MARCHF1: variants seen among roughly 807,000 people sequenced by gnomAD.
The protein encoded by MARCHF1 is membrane associated ring-CH-type finger 1, also known as E3 ubiquitin-protein ligase MARCHF1.
Under a neutral mutation model 54.2 loss-of-function variants are expected in MARCHF1, and 40 were observed. The ratio of observed to expected loss-of-function variants is 0.74; its 90% CI spans 0.57 to 0.96. MARCHF1 has a LOEUF of 0.96. MARCHF1 is among the 40% of genes least tolerant of loss of function. The pLI, the probability that MARCHF1 is intolerant of heterozygous loss-of-function variation, is 0.00. For synonymous variants in MARCHF1, 236 were observed against 236.3 expected (o/e 1.00, Z 0.01); for missense variants, 586 against 656.5 (o/e 0.89, Z 1.17).
At chr4:164,045,609 TTTTG>T (rs537888093) in intron 2 of MARCHF1, among the ~76,000 whole-genome samples, 98 of 151,720 alleles carry the variant, frequency 6.5e-4, no homozygotes, top group Middle Eastern at 6.9e-3. Context: ...TAGCTTAGGT[TTTTG>T]TTTGTTTGTT....
chr4:163,681,402 C>G (rs1429216659), intron 5 of MARCHF1, among the ~76,000 whole-genome samples: 1 of 152,106 alleles, frequency 6.6e-6, no homozygotes, highest in African/African-American at 2.4e-5. Flanking sequence ...TAGTATACTG[C>G]CCCCTAGGGG....
At chr4:163,751,175 T>TG (rs1746509042) in intron 4 of MARCHF1, among the ~76,000 whole-genome samples, 1 of 132,778 alleles carries the variant, frequency 7.5e-6, no homozygotes, top group African/African-American at 2.9e-5. Flanking sequence ...GTGTGTGTGT[T>TG]TGAGACAGAG....
At chr4:164,058,028 A>G (rs921395417) in intron 2 of MARCHF1, among the ~76,000 whole-genome samples, 3 of 152,136 alleles carry the variant, frequency 2.0e-5, no homozygotes, top group African/African-American at 7.2e-5. Flanking sequence ...AAGATCAGAA[A>G]ACTGAACACC....
chr4:163,866,011 T>G (rs1300923448), intron 3 of MARCHF1, among the ~76,000 whole-genome samples: 1 of 151,738 alleles, frequency 6.6e-6, no homozygotes, highest in African/African-American at 2.4e-5. Flanking sequence ...ACCAAAGAGA[T>G]ATTTTTATCT....
intron 4 of MARCHF1, among the ~76,000 whole-genome samples, chr4:163,717,655 C>A (rs1390510425): frequency 6.6e-6 from 1 of 152,160 alleles, no homozygotes. Context: ...CTCTCCAGCA[C>A]CTGTTGTTTC....
At chr4:163,980,650 T>C (rs1305089425) in intron 3 of MARCHF1, among the ~76,000 whole-genome samples, 2 of 152,286 alleles carry the variant, frequency 1.3e-5, no homozygotes, top group African/African-American at 4.8e-5. Context: ...CAGCCACAGA[T>C]GAATCCTTCA....
intron 2 of MARCHF1, among the ~76,000 whole-genome samples, chr4:164,054,279 G>A (rs1390827811): frequency 6.6e-6 from 1 of 151,932 alleles, no homozygotes; most frequent in Non-Finnish European, 1.5e-5. Context: ...GAAACAACAG[G>A]TGCTGGAGAG....
chr4:163,714,076 T>C (rs184134580), intron 4 of MARCHF1, among the ~76,000 whole-genome samples: 52 of 152,358 alleles, frequency 3.4e-4, no homozygotes, highest in Non-Finnish European at 6.8e-4. Context: ...TGATTTACAT[T>C]TCAGTGTCTC....
intron 1 of MARCHF1, among the ~76,000 whole-genome samples, chr4:164,144,248 A>T (rs934381611): frequency 6.6e-6 from 1 of 151,498 alleles, no homozygotes; most frequent in Non-Finnish European, 1.5e-5. Context: ...CACTGTCAAC[A>T]TTAGACAGAT....
rs923024347 is a variant in MARCHF1, at chr4:164,186,300, T to A, written c.-322-74638A>T. On this transcript the variant is annotated intron_variant, in intron 1 of 9. Coordinates refer to ENST00000514618, the MANE Select transcript of MARCHF1 (RefSeq NM_001394959.1). ...GATCTCCTTGAGGGTAGAAAAATTG[T>A]GTCAACTAATCATTACTTTGGTGAA... 2.6e-5 allele frequency among the ~76,000 whole-genome samples: 4 copies of A among 152,350 alleles called. No individual in the cohort carries two copies. The South Asian group carries it at 8.3e-4, about 32-fold the overall frequency.
At chr4:163,613,604 A>T in intron 5 of MARCHF1, 1 of 1,445,150 alleles carries the variant, frequency 6.9e-7, no homozygotes, top group Non-Finnish European at 9.1e-7. Context: ...ATGCTGCGCT[A>T]TTTTGCTGTT....
At chr4:163,734,274 T>C (rs1370393964) in intron 4 of MARCHF1, among the ~76,000 whole-genome samples, 4 of 152,136 alleles carry the variant, frequency 2.6e-5, no homozygotes, top group Non-Finnish European at 2.9e-5. Flanking sequence ...TGGCAACTTC[T>C]TAAAAAGTTA....
intron 7 of MARCHF1, among the ~76,000 whole-genome samples, chr4:163,592,188 T>C (rs1032638280): frequency 6.6e-5 from 10 of 152,196 alleles, no homozygotes; most frequent in African/African-American, 2.4e-4. Context: ...GATAATACCA[T>C]TTTTGTAATC....
At chr4:163,566,656 A>G (rs906157060) in intron 8 of MARCHF1, among the ~76,000 whole-genome samples, 16 of 152,194 alleles carry the variant, frequency 1.1e-4, no homozygotes, top group African/African-American at 3.9e-4. Context: ...GTGGAAGCAC[A>G]AACCATCACT....
chr4:164,380,301 A>G (rs933789804), intron 1 of MARCHF1, among the ~76,000 whole-genome samples: 15 of 120,316 alleles, frequency 1.2e-4, no homozygotes, highest in Non-Finnish European at 1.6e-4. Context: ...GATTAAGTTC[A>G]CTAATATATA....
intron 1 of MARCHF1, among the ~76,000 whole-genome samples, chr4:164,196,375 T>C (rs1731258354): frequency 6.6e-6 from 1 of 152,172 alleles, no homozygotes; most frequent in South Asian, 2.1e-4. Context: ...TTCTGAGATA[T>C]TTGAAGCTTA....
intron 8 of MARCHF1, among the ~76,000 whole-genome samples, chr4:163,551,635 G>A (rs1205336450): frequency 6.6e-6 from 1 of 152,158 alleles, no homozygotes; most frequent in Non-Finnish European, 1.5e-5. Context: ...GTAATATAGT[G>A]GCTGTGTCCC....
chr4:163,895,005 A>G lies in MARCHF1; in HGVS notation c.-38-40836T>C, dbSNP rs923085427. Among the ~76,000 whole-genome samples, 9 of 133,464 alleles carry G rather than the reference A, an allele frequency of 6.7e-5. 2 individuals are homozygous for G. The highest frequency in any genetic ancestry group is 1.5e-4 in the Admixed American group (2 of 13,704). The allele number at this position is 133,464 out of a possible 152,430, so 87.6% of individuals were successfully genotyped here. On this transcript the variant is annotated intron_variant, in intron 3 of 9. Coordinates refer to ENST00000514618, the MANE Select transcript of MARCHF1 (RefSeq NM_001394959.1). ...ACATATACATATATATGCATGTGATACACATACACACACATATGCATGTGA... is the reference window on the plus strand; with the variant it reads ...ACATATACATATATATGCATGTGATGCACATACACACACATATGCATGTGA...
At chr4:163,805,689 G>A (rs1340633032) in intron 4 of MARCHF1, among the ~76,000 whole-genome samples, 1 of 152,172 alleles carries the variant, frequency 6.6e-6, no homozygotes, top group African/African-American at 2.4e-5. Flanking sequence ...GATTTGAAGT[G>A]ATTGTACCAT....
Sources: gnomAD v4.1 joint callset for allele counts (sites outside exome capture counted in the v4.1 genomes callset) on GRCh38, gnomAD v4.1.1 for gene constraint, MANE v1.5 for transcripts, NCBI Gene and HGNC (gene_info 2026-07-23, HGNC 2026-07-21) for gene names.